NEBL: variants seen among roughly 807,000 people sequenced by gnomAD.
The protein encoded by NEBL is LIM and SH3 protein 2.
A neutral mutation model predicts 140.2 loss-of-function variants in NEBL; 122 were observed. That is an observed-to-expected ratio of 0.87 (90% CI 0.75 to 1.01). The LOEUF (loss-of-function observed/expected upper bound fraction) is 1.01, where lower values mean the gene tolerates loss of function less well. NEBL is among the 50% of genes least tolerant of loss of function. The probability of loss-of-function intolerance (pLI) is 0.00; values close to 1 mark genes in which losing one functional copy is unlikely to be tolerated. For synonymous variants in NEBL, 436 were observed against 398.9 expected (o/e 1.09, Z -1.11); for missense variants, 1,365 against 1,231.3 (o/e 1.11, Z -1.62).
rs146673556 is a variant in NEBL, at chr10:20,839,316, G to A, written c.1338+1423C>T. On this transcript the variant is annotated intron_variant, in intron 13 of 27. Coordinates refer to ENST00000377122, the MANE Select transcript of NEBL (RefSeq NM_006393.3). ...CAATCTCTGCATGTGGATTGGACATGTCACGGCAACAGAAGAATTTGCAGA... is the reference window on the plus strand; with the variant it reads ...CAATCTCTGCATGTGGATTGGACATATCACGGCAACAGAAGAATTTGCAGA... 4.3e-4 allele frequency among the ~76,000 whole-genome samples: 66 copies of A among 152,310 alleles called. 1 individual carries two copies. Among genetic ancestry groups the A allele is most frequent in the African/African-American group, 1.6e-3 (65 of 41,550 alleles).
intron 2 of NEBL, among the ~76,000 whole-genome samples, chr10:21,145,103 T>A (rs1839833902): frequency 6.6e-6 from 1 of 152,172 alleles, no homozygotes; most frequent in South Asian, 2.1e-4. Flanking sequence ...TAGATATTAC[T>A]TTTCATCCAG....
At chr10:20,966,988 CATTCACGTTAAAGGAG>C (rs796341635) in intron 3 of NEBL, among the ~76,000 whole-genome samples, 40 of 152,054 alleles carry the variant, frequency 2.6e-4, no homozygotes, top group African/African-American at 8.4e-4. Context: ...ATGACCATAC[CATTCACGTTAAAGGAG>C]ATTCACGTTA....
At chr10:21,152,465 C>T (rs965167945) in intron 2 of NEBL, among the ~76,000 whole-genome samples, 2 of 152,110 alleles carry the variant, frequency 1.3e-5, no homozygotes, top group Non-Finnish European at 1.5e-5. Context: ...AGCATAAATC[C>T]GCAGGACACT....
Position 21,020,257 on chromosome 10 carries a change from C to T in NEBL, c.165-56G>A, listed in dbSNP as rs3906798. ...TAAAATATTGTGCTACAAAACAACA[C>T]TTTCACACCCATTGTTTTGCACATC... On this transcript the variant is annotated intron_variant, in intron 2 of 6. Coordinates refer to the NEBL transcript ENST00000417816. 2.5e-3 allele frequency: 3,613 copies of T among 1,446,914 alleles called. 6 individuals are homozygous for T. The highest frequency in any genetic ancestry group is 3.0e-3 in the Non-Finnish European group (3,106 of 1,028,578). 89.6% of individuals were successfully genotyped at this position (1,446,914 alleles called of 1,614,324 possible). A position where few individuals can be genotyped will look rare whatever the true frequency, so the allele number is the denominator to read the frequency against.
intron 4 of NEBL, among the ~76,000 whole-genome samples, chr10:20,943,987 G>A (rs535866912): frequency 6.6e-6 from 1 of 152,318 alleles, no homozygotes; most frequent in East Asian, 1.9e-4. Context: ...TCTGTTTAAT[G>A]AACAAGAGGC....
chr10:20,819,242 G>A lies in NEBL; in HGVS notation c.2055+182C>T, dbSNP rs375515042. On this transcript the variant is annotated intron_variant, in intron 20 of 27. Transcript: ENST00000377122. ...CATCCTCTCCCGTCCAACAGGCTCC[G>A]GTGTCTGTTATTCCCCTCTATGTGT... The A allele has an allele frequency of 4.1e-4, 431 of 1,061,044 alleles. 4 individuals carry two copies. In the East Asian group the frequency reaches 8.8e-3, roughly 22 times the overall value. 65.7% of individuals were successfully genotyped at this position (1,061,044 alleles called of 1,614,324 possible). A position where few individuals can be genotyped will look rare whatever the true frequency, so the allele number is the denominator to read the frequency against.
intron 2 of NEBL, chr10:21,125,879 C>T (rs1838802450): frequency 1.9e-6 from 3 of 1,614,026 alleles, no homozygotes; most frequent in Non-Finnish European, 2.5e-6. Flanking sequence ...TCTTTTATGC[C>T]CTGGAATTTA....
At chr10:21,056,926 A>G (rs1410899100) in intron 2 of NEBL, among the ~76,000 whole-genome samples, 1 of 152,218 alleles carries the variant, frequency 6.6e-6, no homozygotes, top group African/African-American at 2.4e-5. Context: ...TCGGAGTCAA[A>G]GACAAAAGTG....
chr10:20,938,329 G>A (rs899372598), intron 4 of NEBL, among the ~76,000 whole-genome samples: 3 of 152,184 alleles, frequency 2.0e-5, no homozygotes, highest in Non-Finnish European at 2.9e-5. Context: ...AGGGAAACAC[G>A]GTCTGGAGTG....
chr10:20,962,381 T>A (rs1462481322), intron 3 of NEBL, among the ~76,000 whole-genome samples: 1 of 152,238 alleles, frequency 6.6e-6, no homozygotes, highest in South Asian at 2.1e-4. Context: ...AAATGGCAAG[T>A]ACATAAATGC....
chr10:21,199,058 T>A (rs1841694203), intron 3 of NEBL, among the ~76,000 whole-genome samples: 1 of 151,858 alleles, frequency 6.6e-6, no homozygotes, highest in African/African-American at 2.4e-5. Flanking sequence ...AGGGTCTTGC[T>A]GTGTTGTGCA....
chr10:20,952,256 G>C (rs1835510456), intron 4 of NEBL, among the ~76,000 whole-genome samples: 1 of 152,060 alleles, frequency 6.6e-6, no homozygotes, highest in Admixed American at 6.6e-5. Context: ...GGCCAACACG[G>C]TAAAACCCCG....
chr10:21,281,170 A>G (rs747463941), intron 1 of NEBL, among the ~76,000 whole-genome samples: 1 of 152,206 alleles, frequency 6.6e-6, no homozygotes, highest in African/African-American at 2.4e-5. Context: ...ACAGGGATCT[A>G]GTGAATCCAG....
At chr10:21,252,200 A>G (rs2132273337) in intron 1 of NEBL, among the ~76,000 whole-genome samples, 1 of 152,368 alleles carries the variant, frequency 6.6e-6, no homozygotes, top group South Asian at 2.1e-4. Flanking sequence ...TCTGGTTTTC[A>G]ATAGTCTTGC....
At chr10:21,071,884 T>C (rs1835832536) in intron 2 of NEBL, among the ~76,000 whole-genome samples, 1 of 152,158 alleles carries the variant, frequency 6.6e-6, no homozygotes, top group Admixed American at 6.5e-5. Context: ...AGTGGTGCAA[T>C]CTTGGCTCAC....
chr10:20,831,178 T>A lies in NEBL; in HGVS notation c.1671+18A>T. The A allele has an allele frequency of 6.5e-7, 1 of 1,535,064 alleles. No homozygotes were observed. The highest frequency in any genetic ancestry group is 1.1e-5 in the South Asian group (1 of 89,484). ...ACATTGGAATACACGATTCTGAGCATCTTCATTCATGACCAACCTGGCTAT... is the reference window on the plus strand; with the variant it reads ...ACATTGGAATACACGATTCTGAGCAACTTCATTCATGACCAACCTGGCTAT... On this transcript the variant is annotated intron_variant, in intron 16 of 27. Transcript: ENST00000377122.
chr10:21,077,371 G>A (rs1016149295), intron 2 of NEBL, among the ~76,000 whole-genome samples: 1 of 152,190 alleles, frequency 6.6e-6, no homozygotes, highest in Non-Finnish European at 1.5e-5. Context: ...TTGGAAGGCT[G>A]AAGCGGGTGG....
intron 2 of NEBL, among the ~76,000 whole-genome samples, chr10:21,169,105 T>C (rs1325733817): frequency 3.2e-5 from 4 of 124,312 alleles, no homozygotes; most frequent in Admixed American, 2.5e-4. Context: ...TATATATATA[T>C]ATTTGGACAT....
At position 20,840,761 on chromosome 10, in the gene NEBL, C is replaced by T. The variant is rs755916272; in HGVS notation, c.1316G>A (p.Arg439Gln). 4.4e-5 allele frequency: 71 copies of T among 1,610,776 alleles called. No homozygotes were observed. Among genetic ancestry groups the T allele is most frequent in the Non-Finnish European group, 5.7e-5 (67 of 1,177,588 alleles). The change falls in exon 13 of 28, where the codon CGA becomes CAA. Residue 439 changes from arginine to glutamine, a missense_variant. Transcript: ENST00000377122. ...SEVLDIQRAK[R>Q]ASEMASEKEY... ...CACCTCACTTGCCATTTCAGAGGCT[C>T]GCTTTGCTCTTTGGATATCAAGAAC...
Sources: allele counts gnomAD v4.1 joint callset (sites outside exome capture counted in the v4.1 genomes callset), GRCh38; gene constraint gnomAD v4.1.1; transcripts MANE v1.5; gene names NCBI Gene and HGNC (gene_info 2026-07-23, HGNC 2026-07-21).